The following CCDC85C variants were observed in gnomAD, a reference collection of about 807,000 sequenced individuals.
CCDC85C encodes the protein coiled-coil domain containing 85C, also known as coiled-coil domain-containing protein 85C.
In CCDC85C, 18 loss-of-function variants were observed where a neutral mutation model predicts 38.3. That is an observed-to-expected ratio of 0.47 (90% confidence interval 0.33 to 0.70). CCDC85C has a LOEUF of 0.70. Ranked by LOEUF, CCDC85C falls within the 30% of genes least tolerant of loss-of-function variation. The probability of loss-of-function intolerance (pLI) is 0.03; values close to 1 mark genes in which losing one functional copy is unlikely to be tolerated. For missense variants in CCDC85C, 566 were observed against 621.2 expected, an observed-to-expected ratio of 0.91 and a Z score of 0.94; for synonymous variants, 264 against 293.8, an observed-to-expected ratio of 0.90 and a Z score of 1.04.
chr14:99,580,182 TG>T (rs2054951246), intron 1 of CCDC85C: 3 of 452,328 alleles, frequency 6.6e-6, no homozygotes, highest in African/African-American at 2.0e-5. Flanking sequence ...AAGGAGAGGC[TG>T]GGTGGCTCAG....
Position 99,500,437 on chromosome 14 carries a change from A to G in CCDC85C, c.*14809T>C, listed in dbSNP as rs922017570. On this transcript the variant is annotated 3_prime_UTR_variant, in exon 6 of 6. Transcript: ENST00000380243. ...AATTTGAGGTCTTGAAAGAAATTAC[A>G]ATTTAGTCAAATTATCAATAACGTA... is the stretch of plus-strand genomic sequence containing the variant. 2 of 185,774 alleles carry G rather than the reference A, an allele frequency of 1.1e-5. No homozygotes were observed. Among genetic ancestry groups the G allele is most frequent in the Admixed American group, 1.2e-4 (2 of 16,740 alleles). The allele number at this position is 185,774 out of a possible 1,614,324, so 11.5% of individuals were successfully genotyped here. A position where few individuals can be genotyped will look rare whatever the true frequency, so the allele number is the denominator to read the frequency against.
intron 1 of CCDC85C, among the ~76,000 whole-genome samples, chr14:99,602,713 C>G (rs2055214148): frequency 1.3e-5 from 2 of 152,132 alleles, no homozygotes; most frequent in African/African-American, 2.4e-5. Flanking sequence ...CTCCAGCCAC[C>G]GCACACACGT....
chr14:99,586,621 C>G (rs552376411), intron 1 of CCDC85C, among the ~76,000 whole-genome samples: 3 of 152,232 alleles, frequency 2.0e-5, no homozygotes, highest in Non-Finnish European at 4.4e-5. Flanking sequence ...TCCTGAAGCC[C>G]TTTCATGATA....
At position 99,544,219 on chromosome 14, in the gene CCDC85C, C is replaced by A. The variant is rs1340514753; in HGVS notation, c.794-8131G>T. ...CCAAGGTCACCCGGCGGGAACCTTG[C>A]AGGGCTGAGATTTGAACCTGGGTCT... is the stretch of plus-strand genomic sequence containing the variant. On this transcript the variant is annotated intron_variant, in intron 1 of 5. Transcript: ENST00000380243. This position sits in a 1 kb window ranked among gnomAD's most constrained non-coding sequence, Gnocchi z 5.3. 1.3e-5 allele frequency among the ~76,000 whole-genome samples: 2 copies of A among 152,296 alleles called. No individual in the cohort carries two copies. The highest frequency in any genetic ancestry group is 3.9e-4 in the East Asian group (2 of 5,170).
chr14:99,581,600 C>T (rs1566781768), intron 1 of CCDC85C, among the ~76,000 whole-genome samples: 2 of 152,184 alleles, frequency 1.3e-5, no homozygotes, highest in Non-Finnish European at 2.9e-5. Flanking sequence ...CTTTGTTCCC[C>T]GGCTCCCCAT....
At chr14:99,574,384 C>T (rs910307905) in intron 1 of CCDC85C, among the ~76,000 whole-genome samples, 3 of 152,086 alleles carry the variant, frequency 2.0e-5, no homozygotes, top group South Asian at 2.1e-4. Context: ...TGCTATATCC[C>T]GGCCACAGCT....
intron 1 of CCDC85C, among the ~76,000 whole-genome samples, chr14:99,601,477 C>T (rs758855405): frequency 2.1e-4 from 32 of 152,238 alleles, no homozygotes; most frequent in Non-Finnish European, 4.0e-4. Flanking sequence ...CTCCAGCCCT[C>T]CAGTGTCCTG....
intron 2 of CCDC85C, chr14:99,534,568 A>G: frequency 2.9e-6 from 2 of 699,424 alleles, no homozygotes; most frequent in South Asian, 3.0e-5. Context: ...CACCACCCAG[A>G]GGCAGGACTG....
At position 99,545,025 on chromosome 14, in the gene CCDC85C, T is replaced by G. The variant is rs1225043275; in HGVS notation, c.794-8937A>C. 1.3e-5 allele frequency among the ~76,000 whole-genome samples: 2 copies of G among 152,222 alleles called. No individual in the cohort carries two copies. Among genetic ancestry groups the G allele is most frequent in the African/African-American group, 2.4e-5 (1 of 41,530 alleles). On this transcript the variant is annotated intron_variant, in intron 1 of 5. Coordinates refer to ENST00000380243, the MANE Select transcript of CCDC85C (RefSeq NM_001144995.2). This position sits in a 1 kb window ranked among gnomAD's most constrained non-coding sequence, Gnocchi z 4.7. ...AACACGCCGAGGACACCCTTCCCAG[T>G]GCCTCCAGGGAAAAAAAGTAGCTAG...
intron 1 of CCDC85C, among the ~76,000 whole-genome samples, chr14:99,571,736 T>C (rs1312576051): frequency 3.3e-5 from 5 of 152,228 alleles, no homozygotes; most frequent in Non-Finnish European, 5.9e-5. Flanking sequence ...ACAGGGTAAT[T>C]TGTGGCCTGT....
chr14:99,543,361 C>T (rs1052941131), intron 1 of CCDC85C, among the ~76,000 whole-genome samples: 1 of 152,186 alleles, frequency 6.6e-6, no homozygotes, highest in African/African-American at 2.4e-5. Context: ...CAGCGGGGGT[C>T]GGCGGGCAGG....
intron 1 of CCDC85C, among the ~76,000 whole-genome samples, chr14:99,573,586 G>A (rs6575736): frequency 0.094 from 14,307 of 152,212 alleles, 894 homozygotes; most frequent in African/African-American, 0.18. Context: ...AGGCAGACCC[G>A]GCCTGGACGT....
At chr14:99,554,251 C>T (rs1180609432) in intron 1 of CCDC85C, among the ~76,000 whole-genome samples, 2 of 152,100 alleles carry the variant, frequency 1.3e-5, no homozygotes, top group African/African-American at 2.4e-5. Context: ...TAACCAAGCC[C>T]GGGACTGTGG....
chr14:99,595,110 C>T (rs1824727805), intron 1 of CCDC85C, among the ~76,000 whole-genome samples: 1 of 152,208 alleles, frequency 6.6e-6, no homozygotes, highest in South Asian at 2.1e-4. Flanking sequence ...TCAAAGACCC[C>T]ACCGGCCCTG....
At chr14:99,538,210 C>T (rs1897643251) in intron 1 of CCDC85C, among the ~76,000 whole-genome samples, 2 of 152,204 alleles carry the variant, frequency 1.3e-5, no homozygotes, top group Non-Finnish European at 2.9e-5. Flanking sequence ...GTGTCCCCAC[C>T]ACCAGCAGGT....
At chr14:99,584,192 T>C (rs913026355) in intron 1 of CCDC85C, among the ~76,000 whole-genome samples, 1 of 152,190 alleles carries the variant, frequency 6.6e-6, no homozygotes, top group African/African-American at 2.4e-5. Flanking sequence ...CGTGCCTGAC[T>C]TACTTTTGCA....
intron 1 of CCDC85C, among the ~76,000 whole-genome samples, chr14:99,552,996 C>T (rs906997592): frequency 6.6e-6 from 1 of 152,142 alleles, no homozygotes; most frequent in Non-Finnish European, 1.5e-5. Flanking sequence ...GTGTGGCCCT[C>T]AATGGGAGAA....
intron 1 of CCDC85C, among the ~76,000 whole-genome samples, chr14:99,587,150 A>G (rs2055036037): frequency 6.6e-6 from 1 of 152,212 alleles, no homozygotes; most frequent in Non-Finnish European, 1.5e-5. Context: ...CAGAGGTCTC[A>G]CACCACCATG....
rs576071232 is a variant in CCDC85C, at chr14:99,520,887, G to A, written c.975+1246C>T. On this transcript the variant is annotated intron_variant, in intron 3 of 5. Transcript: ENST00000380243. The surrounding 1 kb of genome is among the most constrained non-coding windows in gnomAD (Gnocchi z 4.1). ...CCTTTCCCAAGGCTGCCTCCTCCAG[G>A]AAGCCTTCCTGAACATTCCTGAACT... Among the ~76,000 whole-genome samples the A allele has an allele frequency of 3.9e-5, 6 of 152,374 alleles. No individual in the cohort carries two copies. The highest frequency in any genetic ancestry group is 3.3e-4 in the Admixed American group (5 of 15,304).
Sources: allele counts gnomAD v4.1 joint callset (sites outside exome capture counted in the v4.1 genomes callset), GRCh38; gene constraint gnomAD v4.1.1; non-coding constraint Gnocchi (gnomAD v3.1); transcripts MANE v1.5; gene names NCBI Gene and HGNC (gene_info 2026-07-23, HGNC 2026-07-21).